The following LRP6 variants were observed in gnomAD, a reference collection of about 807,000 sequenced individuals.
LRP6 encodes LDL receptor related protein 6.
LRP6 carries 43 observed loss-of-function variants against 184.1 expected under a neutral mutation model. The ratio of observed to expected loss-of-function variants is 0.23; its 90% CI spans 0.18 to 0.30. LRP6 has a LOEUF of 0.30. LRP6 is among the 10% of genes least tolerant of loss of function. The probability of loss-of-function intolerance (pLI) is 1.00; values close to 1 mark genes in which losing one functional copy is unlikely to be tolerated. For missense variants in LRP6, 1,571 were observed against 2,005.3 expected (o/e 0.78, Z 4.14); for synonymous variants, 719 against 684.9 (o/e 1.05, Z -0.78).
Position 12,164,207 on chromosome 12 carries a change from GA to G in LRP6, c.2052+65del, listed in dbSNP as rs1862813035. 1.0e-5 allele frequency: 15 copies of G among 1,443,974 alleles called. No individual in the cohort carries two copies. The South Asian group carries it at 1.4e-4, about 13-fold the overall frequency. 89.4% of individuals were successfully genotyped at this position (1,443,974 alleles called of 1,614,324 possible). ...TGAGGGAGGTGGGTCACAGCATGAAGATTCAGAAATTCTAGAAGTTCTCCCT... is the reference window on the plus strand; with the variant it reads ...TGAGGGAGGTGGGTCACAGCATGAAGTTCAGAAATTCTAGAAGTTCTCCCT... On this transcript the variant is annotated intron_variant, in intron 9 of 22. Transcript: ENST00000261349.
At chr12:12,160,044 A>G in intron 10 of LRP6, 80 bp from the exon 11 acceptor site, 1 of 1,000,526 alleles carries the variant, frequency 1.0e-6, no homozygotes, top group Non-Finnish European at 1.5e-6. Context: ...CAAAGTAACT[A>G]AATAAATTTA....
intron 7 of LRP6, among the ~76,000 whole-genome samples, chr12:12,173,841 C>T (rs1319305934): frequency 6.6e-6 from 1 of 151,932 alleles, no homozygotes; most frequent in Non-Finnish European, 1.5e-5. Context: ...TGCGATGTAC[C>T]CCAGACACAA....
chr12:12,255,655 C>A (rs1865445263), intron 1 of LRP6, among the ~76,000 whole-genome samples: 2 of 149,762 alleles, frequency 1.3e-5, no homozygotes, highest in Non-Finnish European at 3.0e-5. Flanking sequence ...ACTGCAACCT[C>A]CACCTCCCAG....
intron 7 of LRP6, among the ~76,000 whole-genome samples, chr12:12,168,155 T>C (rs1189076242): frequency 6.6e-6 from 1 of 152,120 alleles, no homozygotes; most frequent in Non-Finnish European, 1.5e-5. Context: ...TAAAGACATC[T>C]AGTAAATGCA....
intron 7 of LRP6, among the ~76,000 whole-genome samples, chr12:12,178,035 T>C (rs1423465156): frequency 2.0e-5 from 3 of 152,132 alleles, no homozygotes; most frequent in African/African-American, 4.8e-5. Context: ...TATATATATA[T>C]ATATGCATAG....
chr12:12,139,212 G>A (rs949773468), intron 15 of LRP6, among the ~76,000 whole-genome samples: 3 of 152,122 alleles, frequency 2.0e-5, no homozygotes, highest in African/African-American at 7.2e-5. Context: ...CGGTTCCTAA[G>A]TCATGAGTTC....
chr12:12,239,257 T>C (rs73057413), intron 2 of LRP6, among the ~76,000 whole-genome samples: 1 of 152,184 alleles, frequency 6.6e-6, no homozygotes, highest in Non-Finnish European at 1.5e-5. Flanking sequence ...TCTAAAGCTT[T>C]AGATTTTAAA....
intron 2 of LRP6, among the ~76,000 whole-genome samples, chr12:12,205,329 C>CAAAAAAAAAAAAAAAA (rs56169717): frequency 2.6e-5 from 1 of 39,106 alleles, no homozygotes; most frequent in Non-Finnish European, 5.5e-5. Context: ...CTCAAACAAA[C>CAAAAAAAAAAAAAAAA]AAAAAAAAAA....
chr12:12,237,990 G>C (rs1317882783), intron 2 of LRP6, among the ~76,000 whole-genome samples: 1 of 152,184 alleles, frequency 6.6e-6, no homozygotes, highest in Non-Finnish European at 1.5e-5. Context: ...GAAGCTGGGT[G>C]AAAGTTACAC....
chr12:12,126,919 G>A lies in LRP6; in HGVS notation c.4084C>T (p.Pro1362Ser). 1 of 1,610,386 alleles carries A rather than the reference G, an allele frequency of 6.2e-7. No homozygotes were observed. The highest frequency in any genetic ancestry group is 8.5e-7 in the Non-Finnish European group (1 of 1,176,662). The change falls in exon 20 of 23, where the codon CCG becomes TCG. Residue 1362 changes from proline to serine, a missense_variant and splice_region_variant. Transcript: ENST00000261349. ...GCCTGTGGTGCTGGTTCTTCAGTCGGATCTACAATGAAGAATGCAGTATGG... is the reference window on the plus strand; with the variant it reads ...GCCTGTGGTGCTGGTTCTTCAGTCGAATCTACAATGAAGAATGCAGTATGG... ...SDKSDELDCY[P>S]TEEPAPQATN...
At chr12:12,186,830 A>G (rs1863488026) in intron 4 of LRP6, 93 bp downstream of exon 4, 5 of 1,068,756 alleles carry the variant, frequency 4.7e-6, no homozygotes, top group South Asian at 2.5e-5. Flanking sequence ...ATCTTTGGAT[A>G]TGCCCTCCCT....
At position 12,135,227 on chromosome 12, in the gene LRP6, C is replaced by T. The variant is rs74315795; in HGVS notation, c.3681G>A (p.Arg1227=). ...GAACCAGGTGCATGGGGCAAGAACA[C>T]CTTGTAGTACCATCCCCCTTTACAA... ...ICLVKGDGTT[R]CSCPMHLVLL... The change falls in exon 17 of 23, where the codon AGG becomes AGA. Residue 1227 remains arginine (R), a synonymous_variant. Transcript: ENST00000261349. 538 of 1,613,850 alleles carry T rather than the reference C, an allele frequency of 3.3e-4. 4 individuals carry two copies. The African/African-American group carries it at 6.5e-3, about 20-fold the overall frequency.
At chr12:12,184,615 G>A (rs1329783840) in intron 4 of LRP6, among the ~76,000 whole-genome samples, 1 of 152,138 alleles carries the variant, frequency 6.6e-6, no homozygotes, top group South Asian at 2.1e-4. Flanking sequence ...GCTATAAACT[G>A]GGTAAGATAT....
intron 2 of LRP6, among the ~76,000 whole-genome samples, chr12:12,242,073 T>C (rs1225354513): frequency 6.6e-6 from 1 of 152,184 alleles, no homozygotes; most frequent in Non-Finnish European, 1.5e-5. Flanking sequence ...AGGAACTATA[T>C]ACATTCAGTT....
At position 12,131,805 on chromosome 12, in the gene LRP6, G is replaced by A; in HGVS notation, c.3970+16C>T. On this transcript the variant is annotated intron_variant, in intron 18 of 22. Coordinates refer to ENST00000261349, the MANE Select transcript of LRP6 (RefSeq NM_002336.3). ...AAAAAGGATTGCATGCTGAGGCACT[G>A]AAGAATTCTGGATACCTTCACAGTT... is the stretch of plus-strand genomic sequence containing the variant. 5 of 1,604,420 alleles carry A rather than the reference G, an allele frequency of 3.1e-6. No homozygotes were observed. The highest frequency in any genetic ancestry group is 2.2e-5 in the South Asian group (2 of 90,870).
At chr12:12,130,036 A>G (rs374031813) in intron 19 of LRP6, among the ~76,000 whole-genome samples, 23 of 152,244 alleles carry the variant, frequency 1.5e-4, no homozygotes, top group African/African-American at 5.1e-4. Flanking sequence ...TAAATGATAT[A>G]TATGTTAAAT....
chr12:12,131,075 A>T (rs1949745953), intron 18 of LRP6, among the ~76,000 whole-genome samples, 182 bp from the exon 19 acceptor site: 1 of 151,578 alleles, frequency 6.6e-6, no homozygotes, highest in Admixed American at 6.6e-5. Context: ...GGAGAAAAAA[A>T]TCCAGCAGGA....
rs12424052 is a variant in LRP6 at position 12,125,518 on chromosome 12, A to G, written c.4313-86T>C. On this transcript the variant is annotated intron_variant, in intron 20 of 22. Coordinates refer to ENST00000261349, the MANE Select transcript of LRP6 (RefSeq NM_002336.3). ...ATTTCATTCAACAGTAGGATTACAA[A>G]TATCAACAGTGAAGTAGTCTGATTT... 8.1e-3 allele frequency: 9,600 copies of G among 1,180,420 alleles called. 148 individuals carry two copies. The highest frequency in any genetic ancestry group is 0.057 in the Admixed American group (2,924 of 51,750). The allele number at this position is 1,180,420 out of a possible 1,614,324, so 73.1% of individuals were successfully genotyped here.
At chr12:12,179,349 T>G (rs1157016629) in intron 7 of LRP6, among the ~76,000 whole-genome samples, 1 of 149,946 alleles carries the variant, frequency 6.7e-6, no homozygotes, top group Admixed American at 6.6e-5. Context: ...CAACACCAGT[T>G]AACAGCAATA....
Sources: gnomAD v4.1 joint callset for allele counts (sites outside exome capture counted in the v4.1 genomes callset) on GRCh38, gnomAD v4.1.1 for gene constraint, MANE v1.5 for transcripts, NCBI Gene and HGNC (gene_info 2026-07-23, HGNC 2026-07-21) for gene names.